The following SYCP2L variants were observed in gnomAD, a reference collection of about 807,000 sequenced individuals.
The protein encoded by SYCP2L is synaptonemal complex protein 2-like.
A neutral mutation model predicts 125.8 loss-of-function variants in SYCP2L; 98 were observed. The observed-to-expected ratio is 0.78, with a 90% CI of 0.66 to 0.92. The LOEUF (loss-of-function observed/expected upper bound fraction) is 0.92, where lower values mean the gene tolerates loss of function less well. Among genes scored for constraint, SYCP2L ranks in the 40% least tolerant of loss-of-function variants. SYCP2L has a pLI of 0.00. For missense variants in SYCP2L, 842 were observed against 936.4 expected (o/e 0.90, Z 1.32); for synonymous variants, 317 against 325.4 (o/e 0.97, Z 0.28).
intron 29 of SYCP2L, among the ~76,000 whole-genome samples, chr6:10,964,788 A>G (rs7774711): frequency 0.55 from 83,757 of 151,906 alleles, 24,054 homozygotes; most frequent in East Asian, 0.91. Context: ...TTGGCAGAGA[A>G]CAGTGGTATG....
intron 21 of SYCP2L, among the ~76,000 whole-genome samples, chr6:10,942,181 A>T (rs911350625): frequency 2.0e-5 from 3 of 151,458 alleles, no homozygotes; most frequent in African/African-American, 7.3e-5. Flanking sequence ...TAGCATTAAG[A>T]GATATATCTA....
At chr6:10,940,709 A>G (rs150746645) in intron 21 of SYCP2L, among the ~76,000 whole-genome samples, 35 of 152,330 alleles carry the variant, frequency 2.3e-4, no homozygotes, top group African/African-American at 8.4e-4. Context: ...TCCTCGAAGG[A>G]TATAAACTTT....
At chr6:10,911,795 T>C (rs762120829) in intron 12 of SYCP2L, among the ~76,000 whole-genome samples, 90 of 151,736 alleles carry the variant, frequency 5.9e-4, no homozygotes, top group Non-Finnish European at 4.6e-4. Context: ...GGTAGACATG[T>C]ATGATACAAA....
intron 10 of SYCP2L, among the ~76,000 whole-genome samples, chr6:10,909,539 A>T (rs367746625): frequency 1.0e-3 from 153 of 152,332 alleles, no homozygotes; most frequent in African/African-American, 3.5e-3. Context: ...TGCTAACAAA[A>T]GGGAACAAAA....
chr6:10,968,814 A>G (rs1187993431), intron 29 of SYCP2L, among the ~76,000 whole-genome samples: 3 of 152,148 alleles, frequency 2.0e-5, no homozygotes, highest in Non-Finnish European at 4.4e-5. Flanking sequence ...TTTGAGACCA[A>G]TGGAGCTGAC....
At chr6:10,901,326 A>G (rs1780373593) in intron 6 of SYCP2L, among the ~76,000 whole-genome samples, 1 of 152,200 alleles carries the variant, frequency 6.6e-6, no homozygotes, top group Admixed American at 6.5e-5. Context: ...CATCGTTTGA[A>G]GATGTCTTTC....
At chr6:10,944,194 T>C (rs74532964) in intron 23 of SYCP2L, among the ~76,000 whole-genome samples, 1 of 152,258 alleles carries the variant, frequency 6.6e-6, no homozygotes, top group Non-Finnish European at 1.5e-5. Context: ...CTTTACATCC[T>C]CACCAACACT....
intron 21 of SYCP2L, among the ~76,000 whole-genome samples, chr6:10,939,645 A>G (rs1221386145): frequency 6.6e-6 from 1 of 152,240 alleles, no homozygotes; most frequent in African/African-American, 2.4e-5. Flanking sequence ...TCTTCAATAA[A>G]TGTTTTGGGA....
rs376983200 is a variant in SYCP2L, at chr6:10,888,244, G to C, written c.9+1109G>C. Among the ~76,000 whole-genome samples the C allele has an allele frequency of 8.6e-4, 130 of 151,640 alleles. 3 individuals are homozygous for C. In the South Asian group the frequency reaches 0.026, roughly 30 times the overall value. ...CCCGAGTAGCTGAGACTACAGGCGCGCGCCACCACGCCAGGGTAATTTTTG... is the reference window on the plus strand; with the variant it reads ...CCCGAGTAGCTGAGACTACAGGCGCCCGCCACCACGCCAGGGTAATTTTTG... On this transcript the variant is annotated intron_variant, in intron 1 of 29. Transcript: ENST00000283141.
At chr6:10,933,529 C>T (rs1190369714) in intron 20 of SYCP2L, among the ~76,000 whole-genome samples, 1 of 152,188 alleles carries the variant, frequency 6.6e-6, no homozygotes, top group Non-Finnish European at 1.5e-5. Flanking sequence ...TTTGCATTTC[C>T]ATCAAGTTCC....
At chr6:10,910,394 T>C (rs116676327) in intron 11 of SYCP2L, among the ~76,000 whole-genome samples, 194 bp downstream of exon 11, 1,573 of 152,290 alleles carry the variant, frequency 0.01, 30 homozygotes, top group African/African-American at 0.035. Context: ...TTCGAGTGTG[T>C]TTAAAAATTA....
At chr6:10,921,953 G>A (rs572784290) in intron 14 of SYCP2L, among the ~76,000 whole-genome samples, 4 of 152,174 alleles carry the variant, frequency 2.6e-5, no homozygotes, top group East Asian at 1.9e-4. Flanking sequence ...TGATCTGCCC[G>A]CCTCGGCCTC....
chr6:10,898,742 G>C (rs1391791729), intron 5 of SYCP2L, 82 bp from the exon 6 acceptor site: 1 of 959,720 alleles, frequency 1.0e-6, no homozygotes, highest in African/African-American at 1.6e-5. Flanking sequence ...GTTAGAGAAA[G>C]TTAACACTAA....
intron 21 of SYCP2L, among the ~76,000 whole-genome samples, chr6:10,941,684 C>T (rs183801958): frequency 6.6e-5 from 10 of 152,298 alleles, no homozygotes; most frequent in Admixed American, 2.0e-4. Flanking sequence ...AATAGGCACA[C>T]TTTTCTTTTA....
intron 28 of SYCP2L, 31 bp from the exon 29 acceptor site, chr6:10,963,751 A>C (rs1781630285): frequency 1.2e-6 from 2 of 1,610,358 alleles, no homozygotes; most frequent in South Asian, 1.1e-5. Flanking sequence ...TCTAATGTGA[A>C]TATAATAAGA....
chr6:10,903,950 C>T (rs1465499951), intron 8 of SYCP2L, among the ~76,000 whole-genome samples: 2 of 152,090 alleles, frequency 1.3e-5, no homozygotes, highest in African/African-American at 2.4e-5. Flanking sequence ...GTAGAGCCTG[C>T]GTGGCTTCAA....
intron 5 of SYCP2L, 96 bp from the exon 6 acceptor site, chr6:10,898,728 G>A: frequency 2.4e-6 from 2 of 850,932 alleles, no homozygotes; most frequent in Non-Finnish European, 3.9e-6. Flanking sequence ...GTCAATGCCT[G>A]CCTGTTAGAG....
At position 10,897,998 on chromosome 6, in the gene SYCP2L, T is replaced by C; in HGVS notation, c.337-13T>C. On this transcript the variant is annotated splice_polypyrimidine_tract_variant and intron_variant, in intron 4 of 29. Transcript: ENST00000283141. Reference sequence around the variant, plus strand: ...TTAGTCTTATGTAGTTACGTTAGTGTCCTCCTGTGTACCTAGTTTCCTGGT... The same window carrying C: ...TTAGTCTTATGTAGTTACGTTAGTGCCCTCCTGTGTACCTAGTTTCCTGGT... The C allele has an allele frequency of 1.3e-6, 2 of 1,587,816 alleles. No homozygotes were observed. The highest frequency in any genetic ancestry group is 1.7e-6 in the Non-Finnish European group (2 of 1,156,138).
chr6:10,903,240 C>G (rs1034126541), intron 8 of SYCP2L, among the ~76,000 whole-genome samples: 12 of 152,102 alleles, frequency 7.9e-5, no homozygotes, highest in Admixed American at 3.9e-4. Context: ...CGAGACCATC[C>G]TGGCTAATAT....
Sources: gnomAD v4.1 joint callset for allele counts (sites outside exome capture counted in the v4.1 genomes callset) on GRCh38, gnomAD v4.1.1 for gene constraint, MANE v1.5 for transcripts, NCBI Gene and HGNC (gene_info 2026-07-23, HGNC 2026-07-21) for gene names.